Variants in DNMT3L observed in about 807,000 individuals in gnomAD.
DNMT3L encodes DNA methyltransferase 3 like, also known as DNA (cytosine-5)-methyltransferase 3-like.
DNMT3L carries 33 observed loss-of-function variants against 36.2 expected under a neutral mutation model. The observed-to-expected ratio is 0.91, with a 90% CI of 0.69 to 1.22. DNMT3L has a LOEUF of 1.22. Among genes scored for constraint, DNMT3L ranks in the 50% most tolerant of loss-of-function variants. The probability of loss-of-function intolerance (pLI) is 0.00; values close to 1 mark genes in which losing one functional copy is unlikely to be tolerated. For synonymous variants in DNMT3L, 117 were observed against 121.7 expected, an observed-to-expected ratio of 0.96 and a Z score of 0.26; for missense variants, 310 against 303.1, an observed-to-expected ratio of 1.02 and a Z score of -0.17.
Position 44,258,412 on chromosome 21 carries a change from G to T in DNMT3L, c.516+111C>A. Reference sequence around the variant, plus strand: ...CCAGGAAAGAGTGTTTGCTCCCGAGGCTGCAGCCGTGGTGCCCGTCGGCGC... The same window carrying T: ...CCAGGAAAGAGTGTTTGCTCCCGAGTCTGCAGCCGTGGTGCCCGTCGGCGC... On this transcript the variant is annotated intron_variant, in intron 6 of 11. Coordinates refer to ENST00000628202, the MANE Select transcript of DNMT3L (RefSeq NM_175867.3). The surrounding 1 kb of genome is among the most constrained non-coding windows in gnomAD (Gnocchi z 6.2). The T allele has an allele frequency of 7.2e-7, 1 of 1,392,422 alleles. No homozygotes were observed. The highest frequency in any genetic ancestry group is 9.5e-7 in the Non-Finnish European group (1 of 1,051,030). The allele number at this position is 1,392,422 out of a possible 1,614,324, so 86.3% of individuals were successfully genotyped here.
intron 3 of DNMT3L, 29 bp downstream of exon 3, chr21:44,260,766 C>A (rs569364698): frequency 6.2e-7 from 1 of 1,613,028 alleles, no homozygotes; most frequent in African/African-American, 1.3e-5. Context: ...TCTCTTTTGT[C>A]TGGTGTGGGC....
At chr21:44,254,431 G>C (rs2040241454) in intron 8 of DNMT3L, among the ~76,000 whole-genome samples, 186 bp downstream of exon 8, 1 of 152,208 alleles carries the variant, frequency 6.6e-6, no homozygotes, top group Admixed American at 6.5e-5. Context: ...GGCTGGGCCG[G>C]CGGGGTTGGG....
intron 2 of DNMT3L, 133 bp downstream of exon 2, chr21:44,261,021 G>A: frequency 2.2e-6 from 3 of 1,364,644 alleles, no homozygotes; most frequent in South Asian, 1.3e-5. Flanking sequence ...AAGACTGTGG[G>A]TGGGGAACCT....
chr21:44,261,240 A>C lies in DNMT3L; in HGVS notation c.20T>G (p.Leu7Arg), dbSNP rs768992705. Residue 7 changes from leucine (L) to arginine (R), a missense_variant, in exon 2 of 12, where the codon CTG becomes CGG. Transcript: ENST00000628202. ...CATGCTGGGCTCGGCCTCTGGGTCCAGGGCTGGGATGGCCGCCATGGGGAT... is the reference window on the plus strand; with the variant it reads ...CATGCTGGGCTCGGCCTCTGGGTCCCGGGCTGGGATGGCCGCCATGGGGAT... MAAIPA[L>R]DPEAEPSMDV... 1 of 1,612,600 alleles carries C rather than the reference A, an allele frequency of 6.2e-7. No individual in the cohort carries two copies. The highest frequency in any genetic ancestry group is 8.5e-7 in the Non-Finnish European group (1 of 1,179,866).
At chr21:44,259,324 T>A in intron 5 of DNMT3L, 113 bp downstream of exon 5, 1 of 1,087,888 alleles carries the variant, frequency 9.2e-7, no homozygotes, top group Non-Finnish European at 1.4e-6. Context: ...TCAGAAGCTC[T>A]CAGGGAAATC....
Position 44,258,649 on chromosome 21 carries a change from G to A in DNMT3L, c.390C>T (p.Thr130=). Residue 130 remains threonine (T), a synonymous_variant, in exon 6 of 12, where the codon ACC becomes ACT. Transcript: ENST00000628202. The surrounding 1 kb of genome is among the most constrained non-coding windows in gnomAD (Gnocchi z 6.2). ...TGCTCATGGCGTGCACCTTCCCCGA[G>A]GTCCCGGGGCCGACCAGGCTATCCA... ...ECVDSLVGPG[T]SGKVHAMSNW... The A allele has an allele frequency of 1.2e-6, 2 of 1,612,934 alleles. No individual in the cohort carries two copies. Among genetic ancestry groups the A allele is most frequent in the Non-Finnish European group, 1.7e-6 (2 of 1,179,990 alleles).
At chr21:44,256,369 G>A (rs1027157348) in intron 6 of DNMT3L, among the ~76,000 whole-genome samples, 2 of 149,882 alleles carry the variant, frequency 1.3e-5, no homozygotes, top group Admixed American at 1.3e-4. Context: ...TCAGTCTCCC[G>A]CTCTGACCTG....
At chr21:44,254,799 C>G in intron 7 of DNMT3L, 94 bp from the exon 8 acceptor site, 1 of 1,263,340 alleles carries the variant, frequency 7.9e-7, no homozygotes, top group Non-Finnish European at 1.1e-6. Context: ...AGAGGACCCT[C>G]CTACCATTAA....
chr21:44,260,873 C>T (rs754950134), intron 2 of DNMT3L, 34 bp from the exon 3 acceptor site: 2 of 1,612,752 alleles, frequency 1.2e-6, no homozygotes, highest in South Asian at 1.1e-5. Flanking sequence ...CCCCTTTCTT[C>T]TTCCTCTGAT....
chr21:44,256,043 G>A (rs1286520845), intron 7 of DNMT3L, 24 bp downstream of exon 7: 13 of 1,612,706 alleles, frequency 8.1e-6, no homozygotes, highest in Non-Finnish European at 1.1e-5. Context: ...TTCCATGTGT[G>A]TCTTTGGGAC....
intron 8 of DNMT3L, among the ~76,000 whole-genome samples, chr21:44,253,739 C>T (rs1032874558): frequency 2.6e-5 from 4 of 151,924 alleles, no homozygotes; most frequent in Non-Finnish European, 4.4e-5. Flanking sequence ...AACAAAAAAG[C>T]CCCCCAAAAC....
rs377473011 is a variant in DNMT3L at position 44,257,404 on chromosome 21, C to A, written c.516+1119G>T. ...AAAATAAAAAAATAAAAAACAAGGC[C>A]GGTGCGGTGGCTCACGCCTGTAATC... On this transcript the variant is annotated intron_variant, in intron 6 of 11. Transcript: ENST00000628202. Among the ~76,000 whole-genome samples, 48 of 148,708 alleles carry A rather than the reference C, an allele frequency of 3.2e-4. No homozygotes were observed. The East Asian group carries it at 9.2e-3, about 28-fold the overall frequency.
At chr21:44,253,360 G>C (rs558412936) in intron 8 of DNMT3L, among the ~76,000 whole-genome samples, 1 of 139,394 alleles carries the variant, frequency 7.2e-6, no homozygotes, top group African/African-American at 2.7e-5. Context: ...GTGACCAAGG[G>C]GAGGCTGTGA....
At chr21:44,253,980 G>A (rs1314826562) in intron 8 of DNMT3L, among the ~76,000 whole-genome samples, 2 of 152,334 alleles carry the variant, frequency 1.3e-5, no homozygotes, top group Middle Eastern at 6.8e-3. Flanking sequence ...GGCATGGTGG[G>A]GTGGGGACAG....
rs112457300 is a variant in DNMT3L, at chr21:44,261,280, C to T, written c.-7-14G>A. The stretch of plus-strand genomic sequence containing the variant: ...GCCATGGGGATGCTGTGTCAGGACA[C>T]ACGGACACAGATGTGAGAAAGCCGT... On this transcript the variant is annotated splice_polypyrimidine_tract_variant and intron_variant, in intron 1 of 11. Transcript: ENST00000628202. The T allele has an allele frequency of 1.2e-6, 2 of 1,608,800 alleles. No individual in the cohort carries two copies. Among genetic ancestry groups the T allele is most frequent in the Non-Finnish European group, 1.7e-6 (2 of 1,177,512 alleles).
chr21:44,253,742 C>T (rs1304010949), intron 8 of DNMT3L, among the ~76,000 whole-genome samples: 2 of 151,956 alleles, frequency 1.3e-5, no homozygotes, highest in Admixed American at 6.6e-5. Context: ...AAAAAAGCCC[C>T]CCAAAACTTA....
intron 6 of DNMT3L, among the ~76,000 whole-genome samples, chr21:44,257,344 T>C (rs911616416): frequency 2.0e-5 from 3 of 151,818 alleles, no homozygotes; most frequent in African/African-American, 7.3e-5. Flanking sequence ...GCCATTGCAC[T>C]CCAGCCTGGG....
chr21:44,254,566 C>A (rs1316295116), intron 8 of DNMT3L, 51 bp downstream of exon 8: 1 of 1,593,502 alleles, frequency 6.3e-7, no homozygotes, highest in Non-Finnish European at 8.6e-7. Context: ...TCTGAGGAAG[C>A]TCGCACCCCC....
rs1436574313 is a variant in DNMT3L at position 44,258,689 on chromosome 21, T to C, written c.350A>G (p.Tyr117Cys). 9 of 1,612,260 alleles carry C rather than the reference T, an allele frequency of 5.6e-6. No homozygotes were observed. In the Admixed American group the frequency reaches 8.3e-5, roughly 15 times the overall value. The change falls in exon 6 of 12, where the codon TAC (tyrosine) becomes TGC (cysteine). Residue 117 changes from tyrosine (Y) to cysteine (C), a missense_variant. Tyr to Cys is a radical substitution (Grantham distance 194, BLOSUM62 -2). Transcript: ENST00000628202. The surrounding 1 kb of genome is among the most constrained non-coding windows in gnomAD (Gnocchi z 6.2). ...ICGNPDCTRC[Y>C]CFECVDSLVG... ...CAGGCTATCCACACACTCGAAGCAG[T>C]AGCATCTAAGGCCAGACAGAAAACC...
Sources: allele counts gnomAD v4.1 joint callset (sites outside exome capture counted in the v4.1 genomes callset), GRCh38; gene constraint gnomAD v4.1.1; non-coding constraint Gnocchi (gnomAD v3.1); transcripts MANE v1.5; gene names NCBI Gene and HGNC (gene_info 2026-07-23, HGNC 2026-07-21).